CDH18: variants seen among roughly 807,000 people sequenced by gnomAD.
CDH18 encodes cadherin 18.
CDH18 carries 31 observed loss-of-function variants against 67.9 expected under a neutral mutation model. The observed-to-expected ratio is 0.46, with a 90% CI of 0.34 to 0.62. The LOEUF is 0.62. Among genes scored for constraint, CDH18 ranks in the 20% least tolerant of loss-of-function variants. The probability of loss-of-function intolerance (pLI) is 0.01; values close to 1 mark genes in which losing one functional copy is unlikely to be tolerated. For missense variants in CDH18, 890 were observed against 975.5 expected, an observed-to-expected ratio of 0.91 and a Z score of 1.17; for synonymous variants, 362 against 347.2, an observed-to-expected ratio of 1.04 and a Z score of -0.48.
At chr5:19,997,234 A>T (rs1736087840) in intron 2 of CDH18, among the ~76,000 whole-genome samples, 1 of 152,128 alleles carries the variant, frequency 6.6e-6, no homozygotes, top group African/African-American at 2.4e-5. Flanking sequence ...CTCTCTAGAG[A>T]CCTATGCATC....
chr5:19,838,633 G>C, intron 3 of CDH18, 126 bp downstream of exon 3: 1 of 636,870 alleles, frequency 1.6e-6, no homozygotes, highest in Non-Finnish European at 2.8e-6. Context: ...AGTTTCTATA[G>C]CGTAATTCAC....
chr5:20,091,358 T>G (rs950673985), intron 2 of CDH18, among the ~76,000 whole-genome samples: 3 of 151,494 alleles, frequency 2.0e-5, no homozygotes, highest in Non-Finnish European at 4.4e-5. Flanking sequence ...GGGCACAGTG[T>G]CATGCACCTG....
At chr5:20,262,703 C>T (rs1744741989) in intron 1 of CDH18, among the ~76,000 whole-genome samples, 1 of 151,944 alleles carries the variant, frequency 6.6e-6, no homozygotes. Flanking sequence ...ATACCAATGC[C>T]TTTGATTTAG....
intron 2 of CDH18, among the ~76,000 whole-genome samples, chr5:20,025,170 G>A (rs1018059920): frequency 6.6e-6 from 1 of 152,142 alleles, no homozygotes; most frequent in Non-Finnish European, 1.5e-5. Context: ...CTTTGAGGCA[G>A]TAGCAGACAC....
At chr5:20,242,746 AT>A (rs148328787) in intron 2 of CDH18, among the ~76,000 whole-genome samples, 3,617 of 150,156 alleles carry the variant, frequency 0.024, 132 homozygotes, top group African/African-American at 0.083. Flanking sequence ...CTTTAAAACC[AT>A]TTTTTAATTA....
rs200080046 is a variant in CDH18 at position 19,473,681 on chromosome 5, T to C, written c.1918A>G (p.Lys640Glu). 1.9e-4 allele frequency: 301 copies of C among 1,613,128 alleles called. 2 individuals carry two copies. The highest frequency in any genetic ancestry group is 3.5e-5 in the Non-Finnish European group (41 of 1,179,696). The change falls in exon 13 of 13, where the codon AAA becomes GAA. Residue 640 changes from lysine (K) to glutamate (E), a missense_variant. Physicochemically the swap from Lys to Glu is moderately conservative, Grantham distance 56. Coordinates refer to ENST00000382275, the MANE Select transcript of CDH18 (RefSeq NM_004934.5). ...VVLFITLRRS[K>E]KEPLIISEED... ...TCTGAAATGATCAAGGGCTCTTTTT[T>C]GCTGCGCCTCAGGGTGATAAAAAGT...
intron 1 of CDH18, among the ~76,000 whole-genome samples, chr5:20,545,215 T>C (rs952963360): frequency 1.3e-5 from 2 of 152,206 alleles, no homozygotes; most frequent in African/African-American, 4.8e-5. Context: ...GCTGCTGCTT[T>C]CAGGAGCTGG....
chr5:19,914,002 A>G (rs539551324), intron 2 of CDH18, among the ~76,000 whole-genome samples: 2 of 152,290 alleles, frequency 1.3e-5, no homozygotes, highest in South Asian at 4.1e-4. Flanking sequence ...TCTCTAAAAA[A>G]TGAGACCATT....
chr5:19,522,777 C>T (rs1471985537), intron 9 of CDH18, among the ~76,000 whole-genome samples: 1 of 151,772 alleles, frequency 6.6e-6, no homozygotes, highest in Non-Finnish European at 1.5e-5. Context: ...TGCCTGTACT[C>T]CCAACTACTG....
chr5:20,489,310 T>G (rs1581098175), intron 1 of CDH18, among the ~76,000 whole-genome samples: 1 of 152,170 alleles, frequency 6.6e-6, no homozygotes, highest in East Asian at 1.9e-4. Context: ...CAGACAATAA[T>G]ACTACATGTA....
intron 1 of CDH18, among the ~76,000 whole-genome samples, chr5:20,453,399 G>C (rs191509419): frequency 2.0e-5 from 3 of 152,074 alleles, no homozygotes; most frequent in African/African-American, 7.2e-5. Context: ...GCAACTAACA[G>C]GCTACAAGTC....
chr5:19,805,774 C>T (rs1006836650), intron 3 of CDH18, among the ~76,000 whole-genome samples: 2 of 151,972 alleles, frequency 1.3e-5, no homozygotes, highest in African/African-American at 4.8e-5. Flanking sequence ...AATATTTAAT[C>T]AATCTATTTC....
chr5:20,236,080 A>C (rs1300067182), intron 2 of CDH18, among the ~76,000 whole-genome samples: 2 of 152,100 alleles, frequency 1.3e-5, no homozygotes, highest in African/African-American at 4.8e-5. Flanking sequence ...GGGTCATACA[A>C]GAGGTGAGGA....
intron 5 of CDH18, among the ~76,000 whole-genome samples, chr5:19,632,915 G>C (rs1431607457): frequency 6.6e-6 from 1 of 151,988 alleles, no homozygotes; most frequent in Non-Finnish European, 1.5e-5. Context: ...ACTCCAACTA[G>C]CTGCTGTTTT....
At chr5:19,601,677 T>A (rs1747152462) in intron 6 of CDH18, among the ~76,000 whole-genome samples, 1 of 151,878 alleles carries the variant, frequency 6.6e-6, no homozygotes, top group African/African-American at 2.4e-5. Context: ...ATATTCCTTA[T>A]GAATATTAAT....
chr5:20,230,213 A>G (rs896289083), intron 2 of CDH18, among the ~76,000 whole-genome samples: 4 of 152,142 alleles, frequency 2.6e-5, no homozygotes, highest in African/African-American at 9.6e-5. Context: ...TTGTGTATCA[A>G]TGTGTAATGC....
intron 5 of CDH18, among the ~76,000 whole-genome samples, chr5:19,614,989 T>C (rs1411957757): frequency 2.0e-5 from 3 of 151,822 alleles, no homozygotes; most frequent in Non-Finnish European, 4.4e-5. Flanking sequence ...CTACTAAAAA[T>C]ACAAAAAATT....
chr5:19,627,164 G>A (rs1298188862), intron 5 of CDH18, among the ~76,000 whole-genome samples: 1 of 152,148 alleles, frequency 6.6e-6, no homozygotes, highest in East Asian at 1.9e-4. Context: ...TCTGGTGATT[G>A]TCTAGACTTG....
rs763044509 is a variant in CDH18, at chr5:19,503,135, G to A, written c.1513-26C>T. 16 of 1,150,174 alleles carry A rather than the reference G, an allele frequency of 1.4e-5. No individual in the cohort carries two copies. In the East Asian group the frequency reaches 2.1e-4, roughly 15 times the overall value. The allele number at this position is 1,150,174 out of a possible 1,614,324, so 71.2% of individuals were successfully genotyped here. ...CTAAAGAAAAGACAAACTCTAAATCGTAAATTTAATTTTGCTTGTTCTCTT... is the reference window on the plus strand; with the variant it reads ...CTAAAGAAAAGACAAACTCTAAATCATAAATTTAATTTTGCTTGTTCTCTT... On this transcript the variant is annotated intron_variant, in intron 10 of 12. Transcript: ENST00000382275.
Sources: allele counts gnomAD v4.1 joint callset (sites outside exome capture counted in the v4.1 genomes callset), GRCh38; gene constraint gnomAD v4.1.1; transcripts MANE v1.5; gene names NCBI Gene and HGNC (gene_info 2026-07-23, HGNC 2026-07-21).